KDM3B: variants seen among roughly 807,000 people sequenced by gnomAD.
The protein encoded by KDM3B is lysine demethylase 3B, also known as lysine-specific demethylase 3B.
Under a neutral mutation model 170.0 loss-of-function variants are expected in KDM3B, and 10 were observed. The observed-to-expected ratio is 0.06, with a 90% CI of 0.04 to 0.10. The LOEUF (loss-of-function observed/expected upper bound fraction) is 0.10, where lower values mean the gene tolerates loss of function less well. KDM3B is among the 10% of genes least tolerant of loss of function. The pLI, the probability that KDM3B is intolerant of heterozygous loss-of-function variation, is 1.00. For synonymous variants in KDM3B, 831 were observed against 834.8 expected, an observed-to-expected ratio of 1.00 and a Z score of 0.08; for missense variants, 1,394 against 2,195.2, an observed-to-expected ratio of 0.64 and a Z score of 7.29.
rs55976818 is a variant in KDM3B, at chr5:138,360,522, TTGTG to T, written c.192+7562_192+7565del. On this transcript the variant is annotated intron_variant, in intron 1 of 23. Transcript: ENST00000314358. ...GTATAGTTGATTTTTTAAAAAAAGA[TTGTG>T]TGTGTGTGTGTGTGTGTGTGTGTGT... Among the ~76,000 whole-genome samples the T allele has an allele frequency of 1.6e-3, 217 of 137,876 alleles. 1 individual carries two copies. Among genetic ancestry groups the T allele is most frequent in the Admixed American group, 5.4e-3 (71 of 13,264 alleles). 90.5% of individuals were successfully genotyped at this position (137,876 alleles called of 152,430 possible).
rs775677858 is a variant in KDM3B at position 138,375,216 on chromosome 5, A to C, written c.474+10A>C. ...GTTGCATCTGTTTCAGGTATTTAAC[A>C]CTTGCTTTAGTCTTGAGCCTATTAT... On this transcript the variant is annotated intron_variant, in intron 3 of 23. Coordinates refer to ENST00000314358, the MANE Select transcript of KDM3B (RefSeq NM_016604.4). 6.4e-7 allele frequency: 1 copy of C among 1,551,150 alleles called. No homozygotes were observed. Among genetic ancestry groups the C allele is most frequent in the South Asian group, 1.1e-5 (1 of 89,702 alleles).
At chr5:138,355,896 T>A (rs2126901306) in intron 1 of KDM3B, among the ~76,000 whole-genome samples, 1 of 152,370 alleles carries the variant, frequency 6.6e-6, no homozygotes, top group South Asian at 2.1e-4. Context: ...TTTGCTCATC[T>A]TTCTTAATGC....
chr5:138,357,125 T>A (rs917027768), intron 1 of KDM3B, among the ~76,000 whole-genome samples: 3 of 152,074 alleles, frequency 2.0e-5, no homozygotes, highest in Non-Finnish European at 1.5e-5. Context: ...TCCCAGGGAC[T>A]ACAGGCATGC....
At chr5:138,420,584 TG>T in intron 14 of KDM3B, 121 bp from the exon 15 acceptor site, 3 of 1,061,572 alleles carry the variant, frequency 2.8e-6, no homozygotes, top group Non-Finnish European at 2.8e-6. Flanking sequence ...ATACACAGTT[TG>T]GGGGGTGCAA....
chr5:138,389,809 T>C (rs1425370098), intron 7 of KDM3B, among the ~76,000 whole-genome samples: 1 of 151,808 alleles, frequency 6.6e-6, no homozygotes, highest in African/African-American at 2.4e-5. Context: ...TGTGTGTGTG[T>C]GTGTCCCTTT....
chr5:138,421,348 C>A (rs1763268839), intron 15 of KDM3B, among the ~76,000 whole-genome samples: 1 of 152,186 alleles, frequency 6.6e-6, no homozygotes, highest in South Asian at 2.1e-4. Flanking sequence ...TGACCATAAG[C>A]TTGCTTCTCC....
chr5:138,419,827 G>C (rs993942510), intron 14 of KDM3B, among the ~76,000 whole-genome samples: 17 of 150,462 alleles, frequency 1.1e-4, no homozygotes, highest in Admixed American at 1.3e-4. Context: ...TAAAAAGGCA[G>C]ATGCCTGGGC....
rs1420808877 is a variant in KDM3B, at chr5:138,398,235, A to G, written c.2889A>G (p.Gln963=). 2 of 1,613,988 alleles carry G rather than the reference A, an allele frequency of 1.2e-6. No homozygotes were observed. Among genetic ancestry groups the G allele is most frequent in the Non-Finnish European group, 1.7e-6 (2 of 1,180,020 alleles). ...TGGAGGGGTTTTTAAGCCCCCAGCAAAGTGACCCTGATGCCATGAACCTGT... is the reference window on the plus strand; with the variant it reads ...TGGAGGGGTTTTTAAGCCCCCAGCAGAGTGACCCTGATGCCATGAACCTGT... ...LRVEGFLSPQ[Q]SDPDAMNLWI... The change falls in exon 10 of 24, where the codon CAA becomes CAG. Residue 963 remains glutamine, a synonymous_variant. Transcript: ENST00000314358.
At chr5:138,422,484 A>T (rs1021372020) in intron 15 of KDM3B, among the ~76,000 whole-genome samples, 2 of 152,086 alleles carry the variant, frequency 1.3e-5, no homozygotes, top group Non-Finnish European at 2.9e-5. Flanking sequence ...CTAAAAAACT[A>T]CAAAAATTAG....
In KDM3B at chr5:138,429,735, A is replaced by G; in HGVS notation, c.4754-91A>G. The G allele has an allele frequency of 2.1e-6, 3 of 1,411,792 alleles. No individual in the cohort carries two copies. The East Asian group carries it at 7.4e-5, about 35-fold the overall frequency. The allele number at this position is 1,411,792 out of a possible 1,614,324, so 87.5% of individuals were successfully genotyped here. Reference sequence around the variant, plus strand: ...CATTATTCCAGAGATGGAGAAGAGTAAAACTCAATTTATTTAAATTGGACA... The same window carrying G: ...CATTATTCCAGAGATGGAGAAGAGTGAAACTCAATTTATTTAAATTGGACA... On this transcript the variant is annotated intron_variant, in intron 20 of 23. Transcript: ENST00000314358.
intron 14 of KDM3B, among the ~76,000 whole-genome samples, chr5:138,419,728 T>TACACACACACAC (rs144047213): frequency 0.044 from 5,331 of 121,902 alleles, 132 homozygotes; most frequent in Non-Finnish European, 0.048. Flanking sequence ...TACACACACA[T>TACACACACACAC]ACACACACAC....
chr5:138,359,186 C>T (rs1159513498), intron 1 of KDM3B, among the ~76,000 whole-genome samples: 3 of 150,710 alleles, frequency 2.0e-5, no homozygotes, highest in Non-Finnish European at 3.0e-5. Flanking sequence ...TTTTTAGACA[C>T]AGTCTTACTG....
chr5:138,371,617 C>T (rs1391192444), intron 1 of KDM3B, among the ~76,000 whole-genome samples: 1 of 152,050 alleles, frequency 6.6e-6, no homozygotes, highest in Non-Finnish European at 1.5e-5. Flanking sequence ...ATTGTTGTGA[C>T]TACAGCAAGT....
chr5:138,412,716 CT>C (rs1301803229), intron 11 of KDM3B, among the ~76,000 whole-genome samples: 2 of 151,948 alleles, frequency 1.3e-5, no homozygotes. Context: ...TCCCAGCTAC[CT>C]GGGAGGCTGA....
At chr5:138,419,396 G>T (rs369176080) in intron 14 of KDM3B, among the ~76,000 whole-genome samples, 164 bp downstream of exon 14, 1 of 151,868 alleles carries the variant, frequency 6.6e-6, no homozygotes, top group African/African-American at 2.4e-5. Context: ...TGGCTCACGC[G>T]TGTAATCCCA....
chr5:138,419,168 A>C lies in KDM3B; in HGVS notation c.3651A>C (p.Pro1217=). The change falls in exon 14 of 24, where the codon CCA becomes CCC. Residue 1217 remains proline (P), a synonymous_variant. Coordinates refer to ENST00000314358, the MANE Select transcript of KDM3B (RefSeq NM_016604.4). Reference sequence around the variant, plus strand: ...GGCCTCCTTGCCCTGACACGGCCCCACCCTCCTCCGCCCTGCACTGGTTGG... The same window carrying C: ...GGCCTCCTTGCCCTGACACGGCCCCCCCCTCCTCCGCCCTGCACTGGTTGG... The part of the protein sequence containing the change: ...AIRPPCPDTA[P]PSSALHWLAD... The C allele has an allele frequency of 6.2e-7, 1 of 1,614,082 alleles. No homozygotes were observed. The highest frequency in any genetic ancestry group is 8.5e-7 in the Non-Finnish European group (1 of 1,180,012).
At chr5:138,368,235 CT>C (rs111379967) in intron 1 of KDM3B, among the ~76,000 whole-genome samples, 6,917 of 139,798 alleles carry the variant, frequency 0.049, 176 homozygotes, top group South Asian at 0.11. Flanking sequence ...TTCTTTCTTT[CT>C]TTTTTTTTTT....
intron 6 of KDM3B, among the ~76,000 whole-genome samples, chr5:138,382,882 C>T (rs1762160496): frequency 6.6e-6 from 1 of 152,212 alleles, no homozygotes; most frequent in African/African-American, 2.4e-5. Context: ...CTACTTTGAT[C>T]GTGTATTGGT....
At chr5:138,416,834 T>C (rs1301774131) in intron 12 of KDM3B, among the ~76,000 whole-genome samples, 3 of 152,150 alleles carry the variant, frequency 2.0e-5, no homozygotes, top group Non-Finnish European at 4.4e-5. Context: ...ATGTTTACAC[T>C]CTTTGGGACG....
Sources: gnomAD v4.1 joint callset for allele counts (sites outside exome capture counted in the v4.1 genomes callset) on GRCh38, gnomAD v4.1.1 for gene constraint, MANE v1.5 for transcripts, NCBI Gene and HGNC (gene_info 2026-07-23, HGNC 2026-07-21) for gene names.